DPP10: variants seen among roughly 807,000 people sequenced by gnomAD.
DPP10 encodes the protein dipeptidyl peptidase like 10, also known as inactive dipeptidyl peptidase 10.
Under a neutral mutation model 120.9 loss-of-function variants are expected in DPP10, and 33 were observed. That is an observed-to-expected ratio of 0.27 (90% CI 0.21 to 0.37). The LOEUF is 0.37. Ranked by LOEUF, DPP10 falls within the 10% of genes least tolerant of loss-of-function variation. The probability of loss-of-function intolerance (pLI) is 1.00; values close to 1 mark genes in which losing one functional copy is unlikely to be tolerated. For missense variants in DPP10, 816 were observed against 942.8 expected (o/e 0.87, Z 1.76); for synonymous variants, 337 against 326.1 (o/e 1.03, Z -0.36).
intron 1 of DPP10, among the ~76,000 whole-genome samples, chr2:114,738,796 A>T (rs1245543128): frequency 6.6e-6 from 1 of 152,136 alleles, no homozygotes; most frequent in East Asian, 1.9e-4. Context: ...ATGACTTCTG[A>T]TGGGGACAAA....
intron 1 of DPP10, among the ~76,000 whole-genome samples, chr2:115,220,373 G>A (rs916031360): frequency 7.1e-5 from 7 of 98,554 alleles, no homozygotes; most frequent in East Asian, 5.8e-4. Context: ...TAGATCTTCC[G>A]TGTGACCTTA....
At chr2:115,518,136 A>G (rs1453282688) in intron 4 of DPP10, among the ~76,000 whole-genome samples, 1 of 152,210 alleles carries the variant, frequency 6.6e-6, no homozygotes, top group Non-Finnish European at 1.5e-5. Flanking sequence ...GCACCAAGCC[A>G]TTCATGAGGA....
At position 115,588,755 on chromosome 2, in the gene DPP10, C is replaced by A. The variant is rs550133898; in HGVS notation, c.441+62783C>A. Among the ~76,000 whole-genome samples, 6 of 152,250 alleles carry A rather than the reference C, an allele frequency of 3.9e-5. No individual in the cohort carries two copies. In the South Asian group the frequency reaches 1.2e-3, roughly 32 times the overall value. On this transcript the variant is annotated intron_variant, in intron 5 of 25. Transcript: ENST00000410059. ...GGGTGGGGAATGAATTTCAGCAACT[C>A]CATATATGTTTGTTGAACAAATGAA...
At chr2:114,506,534 C>A (rs998583544) in intron 1 of DPP10, among the ~76,000 whole-genome samples, 11 of 152,180 alleles carry the variant, frequency 7.2e-5, no homozygotes, top group Non-Finnish European at 1.5e-5. Flanking sequence ...AGCCATCCAG[C>A]CATCCACAGA....
intron 1 of DPP10, among the ~76,000 whole-genome samples, chr2:114,806,713 A>G (rs1368311766): frequency 1.3e-5 from 2 of 152,214 alleles, no homozygotes; most frequent in Admixed American, 6.5e-5. Flanking sequence ...GCATATTACA[A>G]TAAAACCATA....
intron 5 of DPP10, among the ~76,000 whole-genome samples, chr2:115,559,802 GC>G (rs1010210267): frequency 4.0e-4 from 61 of 152,206 alleles, no homozygotes; most frequent in Admixed American, 3.6e-3. Flanking sequence ...GGATGCACAG[GC>G]CATTTGACAG....
At chr2:114,573,930 T>G (rs954667737) in intron 1 of DPP10, among the ~76,000 whole-genome samples, 2 of 152,176 alleles carry the variant, frequency 1.3e-5, no homozygotes, top group African/African-American at 2.4e-5. Context: ...ACATCTCCAC[T>G]TTTCCAAAGG....
intron 1 of DPP10, among the ~76,000 whole-genome samples, chr2:114,465,976 C>G (rs564266157): frequency 6.6e-6 from 1 of 152,112 alleles, no homozygotes; most frequent in Admixed American, 6.6e-5. Context: ...TGTTAACCAA[C>G]CTTTGGCTGT....
At chr2:114,936,440 T>C (rs779020519) in intron 1 of DPP10, among the ~76,000 whole-genome samples, 1 of 151,840 alleles carries the variant, frequency 6.6e-6, no homozygotes, top group Non-Finnish European at 1.5e-5. Context: ...TATACACATA[T>C]ATACGCACAT....
At chr2:114,616,658 A>G (rs1693700608) in intron 1 of DPP10, among the ~76,000 whole-genome samples, 1 of 152,118 alleles carries the variant, frequency 6.6e-6, no homozygotes, top group African/African-American at 2.4e-5. Flanking sequence ...TTAATAAAAC[A>G]TCTTTTTGTA....
chr2:115,202,110 A>G (rs1289605933), intron 1 of DPP10, among the ~76,000 whole-genome samples: 1 of 152,104 alleles, frequency 6.6e-6, no homozygotes, highest in East Asian at 1.9e-4. Flanking sequence ...ATTTATTTTT[A>G]TAGAGATGTA....
chr2:115,278,105 G>A (rs2059992575), intron 1 of DPP10, among the ~76,000 whole-genome samples: 1 of 152,108 alleles, frequency 6.6e-6, no homozygotes, highest in African/African-American at 2.4e-5. Context: ...TACGCTATTC[G>A]GGCATGTCAG....
At chr2:115,620,667 T>C (rs1000136591) in intron 5 of DPP10, among the ~76,000 whole-genome samples, 1 of 152,224 alleles carries the variant, frequency 6.6e-6, no homozygotes, top group African/African-American at 2.4e-5. Flanking sequence ...TTTCCCCATA[T>C]GGGGTACAAG....
chr2:115,067,876 A>AG (rs1241638505), intron 1 of DPP10, among the ~76,000 whole-genome samples: 5 of 148,692 alleles, frequency 3.4e-5, no homozygotes, highest in African/African-American at 4.9e-5. Context: ...AAAAAAAAAA[A>AG]AAAAGAAAAA....
chr2:114,520,763 A>G (rs1184241792), intron 1 of DPP10, among the ~76,000 whole-genome samples: 1 of 152,238 alleles, frequency 6.6e-6, no homozygotes, highest in Non-Finnish European at 1.5e-5. Flanking sequence ...ATTTGAAGAG[A>G]GAAACAACAA....
At chr2:114,461,256 C>T (rs1444870291) in intron 1 of DPP10, among the ~76,000 whole-genome samples, 2 of 152,134 alleles carry the variant, frequency 1.3e-5, no homozygotes, top group Non-Finnish European at 2.9e-5. Context: ...GCTACCCCTG[C>T]GAGCCCCCAT....
intron 5 of DPP10, among the ~76,000 whole-genome samples, chr2:115,664,247 A>G (rs1399146314): frequency 6.6e-6 from 1 of 151,888 alleles, no homozygotes; most frequent in East Asian, 1.9e-4. Context: ...ACTAATGAAT[A>G]TAATACATAA....
intron 1 of DPP10, chr2:115,234,125 CTG>C (rs1417960792): frequency 2.4e-5 from 8 of 331,454 alleles, no homozygotes; most frequent in South Asian, 1.6e-4. Flanking sequence ...TTTTATAGAT[CTG>C]TGTTTATTAT....
intron 5 of DPP10, among the ~76,000 whole-genome samples, chr2:115,560,431 T>TATAC (rs1477019189): frequency 4.0e-5 from 3 of 74,674 alleles, no homozygotes; most frequent in African/African-American, 1.6e-4. Context: ...TATATATATA[T>TATAC]ATATATATAT....
Sources: allele counts gnomAD v4.1 joint callset (sites outside exome capture counted in the v4.1 genomes callset), GRCh38; gene constraint gnomAD v4.1.1; transcripts MANE v1.5; gene names NCBI Gene and HGNC (gene_info 2026-07-23, HGNC 2026-07-21).